NLGN1: variants seen among roughly 807,000 people sequenced by gnomAD.
NLGN1 encodes neuroligin 1.
A neutral mutation model predicts 65.5 loss-of-function variants in NLGN1; 12 were observed. That is an observed-to-expected ratio of 0.18 (90% CI 0.12 to 0.30). NLGN1 has a LOEUF of 0.30. NLGN1 is among the 10% of genes least tolerant of loss of function. NLGN1 has a pLI of 1.00. For synonymous variants in NLGN1, 350 were observed against 359.5 expected (o/e 0.97, Z 0.30); for missense variants, 750 against 1,007.1 (o/e 0.74, Z 3.46).
chr3:173,652,600 C>T (rs188154651), intron 3 of NLGN1, among the ~76,000 whole-genome samples: 1 of 152,202 alleles, frequency 6.6e-6, no homozygotes, highest in Non-Finnish European at 1.5e-5. Flanking sequence ...TTCCGTTGAT[C>T]TATTTGTCTG....
intron 3 of NLGN1, among the ~76,000 whole-genome samples, chr3:173,607,452 C>T (rs1336659164): frequency 1.3e-5 from 2 of 151,536 alleles, no homozygotes; most frequent in African/African-American, 4.8e-5. Context: ...TTTATTAGCT[C>T]TTTGTACATT....
chr3:173,862,643 G>A (rs1400217202), intron 4 of NLGN1, among the ~76,000 whole-genome samples: 1 of 151,674 alleles, frequency 6.6e-6, no homozygotes, highest in Non-Finnish European at 1.5e-5. Flanking sequence ...ATCCAGAAAG[G>A]GAAACACCAA....
intron 1 of NLGN1, among the ~76,000 whole-genome samples, chr3:173,404,587 A>G (rs1718269490): frequency 1.3e-5 from 2 of 152,204 alleles, no homozygotes; most frequent in Admixed American, 1.3e-4. Flanking sequence ...GTGGAAATAT[A>G]GTGAAATAGA....
intron 4 of NLGN1, among the ~76,000 whole-genome samples, chr3:174,144,995 G>A (rs541045326): frequency 0.022 from 3,347 of 152,212 alleles, 49 homozygotes; most frequent in Non-Finnish European, 0.028. Flanking sequence ...TGTCCTGAAT[G>A]ATATTGCCTA....
intron 2 of NLGN1, among the ~76,000 whole-genome samples, chr3:173,600,678 G>GT (rs1382060060): frequency 2.7e-5 from 4 of 147,346 alleles, no homozygotes; most frequent in Non-Finnish European, 6.0e-5. Context: ...CATTCATCAT[G>GT]TATTTATTGA....
chr3:173,601,141 A>G (rs997164206), intron 2 of NLGN1, among the ~76,000 whole-genome samples: 4 of 152,028 alleles, frequency 2.6e-5, no homozygotes, highest in South Asian at 4.1e-4. Context: ...AGCTCGTCCT[A>G]TGTGTGGATT....
chr3:174,105,388 A>C (rs899640053), intron 4 of NLGN1, among the ~76,000 whole-genome samples: 1 of 152,004 alleles, frequency 6.6e-6, no homozygotes, highest in Non-Finnish European at 1.5e-5. Context: ...AACTACAAAA[A>C]TTAGCCAGGC....
At chr3:174,210,590 A>G (rs1736280476) in intron 4 of NLGN1, among the ~76,000 whole-genome samples, 1 of 152,202 alleles carries the variant, frequency 6.6e-6, no homozygotes, top group East Asian at 1.9e-4. Context: ...AAAGAAAACA[A>G]GATCTTCCAT....
chr3:173,798,713 G>A (rs1227462393), intron 3 of NLGN1, among the ~76,000 whole-genome samples: 1 of 151,952 alleles, frequency 6.6e-6, no homozygotes, highest in Admixed American at 6.6e-5. Flanking sequence ...ATTGTTTATA[G>A]TTTCCCTGTC....
intron 4 of NLGN1, among the ~76,000 whole-genome samples, chr3:173,977,827 A>C (rs932685926): frequency 6.6e-6 from 1 of 152,086 alleles, no homozygotes; most frequent in Non-Finnish European, 1.5e-5. Flanking sequence ...ATATAACTGT[A>C]TGACTCAGTT....
intron 4 of NLGN1, among the ~76,000 whole-genome samples, chr3:173,878,295 C>T (rs1012959371): frequency 2.0e-5 from 3 of 152,112 alleles, no homozygotes; most frequent in Non-Finnish European, 4.4e-5. Context: ...CTGCTTGGGC[C>T]TCTCAGAGTG....
At chr3:173,930,581 G>A (rs182966131) in intron 4 of NLGN1, among the ~76,000 whole-genome samples, 12 of 152,208 alleles carry the variant, frequency 7.9e-5, no homozygotes, top group African/African-American at 2.9e-4. Context: ...TAAGAAACCA[G>A]GATAGACTGA....
chr3:173,895,955 G>T (rs991475525), intron 4 of NLGN1, among the ~76,000 whole-genome samples: 1 of 152,156 alleles, frequency 6.6e-6, no homozygotes, highest in Non-Finnish European at 1.5e-5. Context: ...CTCCCAAAGT[G>T]CTGAGATTAC....
chr3:173,705,586 A>G (rs1767926336), intron 3 of NLGN1, among the ~76,000 whole-genome samples: 1 of 152,168 alleles, frequency 6.6e-6, no homozygotes, highest in Admixed American at 6.5e-5. Flanking sequence ...AGATTATTTG[A>G]GGGACTATTC....
At chr3:173,792,051 C>A (rs1013106047) in intron 3 of NLGN1, among the ~76,000 whole-genome samples, 1 of 151,902 alleles carries the variant, frequency 6.6e-6, no homozygotes, top group African/African-American at 2.4e-5. Context: ...ATTGTGTCCC[C>A]GAAATACTCC....
At chr3:173,565,888 A>G (rs1369577290) in intron 2 of NLGN1, among the ~76,000 whole-genome samples, 1 of 152,248 alleles carries the variant, frequency 6.6e-6, no homozygotes, top group Non-Finnish European at 1.5e-5. Context: ...TTTGTGTGAA[A>G]GTAAACAATA....
chr3:173,883,367 T>A (rs548128488), intron 4 of NLGN1, among the ~76,000 whole-genome samples: 1 of 152,292 alleles, frequency 6.6e-6, no homozygotes, highest in African/African-American at 2.4e-5. Flanking sequence ...CATTCTTATA[T>A]GGGTGTGGTT....
At chr3:173,753,803 A>G (rs909402043) in intron 3 of NLGN1, among the ~76,000 whole-genome samples, 1 of 151,680 alleles carries the variant, frequency 6.6e-6, no homozygotes, top group East Asian at 1.9e-4. Context: ...TCTATGTTCT[A>G]TTCTCTCTCT....
rs1210288894 is a variant in NLGN1 at position 173,498,356 on chromosome 3, C to T, written c.-321+63278C>T. The stretch of plus-strand genomic sequence containing the variant: ...TGCTGAGAATGATGGTTTCCAGCTT[C>T]ATCCATGTCCCTACAAAGGACATGA... On this transcript the variant is annotated intron_variant, in intron 2 of 6. Coordinates refer to ENST00000457714, the Ensembl canonical transcript of NLGN1. Among the ~76,000 whole-genome samples, 4 of 151,762 alleles carry T rather than the reference C, an allele frequency of 2.6e-5. 1 individual carries two copies. Among genetic ancestry groups the T allele is most frequent in the African/African-American group, 7.3e-5 (3 of 41,066 alleles).
Sources: gnomAD v4.1 joint callset for allele counts (sites outside exome capture counted in the v4.1 genomes callset) on GRCh38, gnomAD v4.1.1 for gene constraint, MANE v1.5 for transcripts, NCBI Gene and HGNC (gene_info 2026-07-23, HGNC 2026-07-21) for gene names.